The following ACYP2 variants were observed in gnomAD, a reference collection of about 807,000 sequenced individuals.
The protein encoded by ACYP2 is acylphosphatase 2, also known as acylphosphatase-2.
A neutral mutation model predicts 11.2 loss-of-function variants in ACYP2; 12 were observed. That is an observed-to-expected ratio of 1.08 (90% CI 0.69 to 1.74). ACYP2 has a LOEUF of 1.74. ACYP2 is among the 40% of genes most tolerant of loss of function. The probability of loss-of-function intolerance (pLI) is 0.00; values close to 1 mark genes in which losing one functional copy is unlikely to be tolerated. For missense variants in ACYP2, 134 were observed against 101.9 expected, an observed-to-expected ratio of 1.31 and a Z score of -1.35; for synonymous variants, 43 against 32.2, an observed-to-expected ratio of 1.33 and a Z score of -1.13.
At chr2:54,168,644 A>T (rs1458146021) in intron 6 of ACYP2, among the ~76,000 whole-genome samples, 2 of 152,138 alleles carry the variant, frequency 1.3e-5, no homozygotes, top group African/African-American at 4.8e-5. Context: ...GTTATATATC[A>T]GCTGAGTTAT....
intron 6 of ACYP2, among the ~76,000 whole-genome samples, chr2:54,221,520 C>CTTTT (rs548466074): frequency 0.37 from 47,309 of 126,524 alleles, 8,884 homozygotes; most frequent in East Asian, 0.44. Context: ...GAATAAAATT[C>CTTTT]TTTTTTTTTT....
At chr2:54,175,900 A>T (rs994146511) in intron 6 of ACYP2, among the ~76,000 whole-genome samples, 3 of 152,140 alleles carry the variant, frequency 2.0e-5, no homozygotes, top group Non-Finnish European at 4.4e-5. Context: ...GCCTTTTGGT[A>T]GATGATCAGA....
intron 4 of ACYP2, among the ~76,000 whole-genome samples, chr2:54,106,826 GC>G (rs984960581): frequency 6.6e-6 from 1 of 151,832 alleles, no homozygotes; most frequent in African/African-American, 2.4e-5. Flanking sequence ...CTCGTGATCC[GC>G]CCCCCCTCGG....
At chr2:54,079,107 TG>T (rs1022702582) in intron 4 of ACYP2, among the ~76,000 whole-genome samples, 13 of 152,152 alleles carry the variant, frequency 8.5e-5, no homozygotes, top group Non-Finnish European at 1.9e-4. Context: ...ACTGTCTCAG[TG>T]AGGAGGAGCT....
intron 4 of ACYP2, among the ~76,000 whole-genome samples, chr2:54,126,541 A>G (rs1312205399): frequency 4.6e-5 from 7 of 151,172 alleles, no homozygotes; most frequent in East Asian, 3.9e-4. Context: ...CATTTTTTAC[A>G]TACATACACA....
At chr2:54,247,602 TAAAC>T (rs1572988090) in intron 6 of ACYP2, among the ~76,000 whole-genome samples, 1 of 152,290 alleles carries the variant, frequency 6.6e-6, no homozygotes, top group Admixed American at 6.5e-5. Context: ...ATGGAAAACA[TAAAC>T]AATTACATAT....
At chr2:54,117,247 CATT>C (rs1202675169) in intron 4 of ACYP2, among the ~76,000 whole-genome samples, 1 of 151,880 alleles carries the variant, frequency 6.6e-6, no homozygotes, top group East Asian at 1.9e-4. Flanking sequence ...GTATGATAAA[CATT>C]ATTAAAATTT....
In ACYP2 at chr2:54,108,544, C is replaced by T. The variant is rs542560308; in HGVS notation, c.278-26909C>T. On this transcript the variant is annotated intron_variant, in intron 4 of 6. Transcript: ENST00000607452. ...TTCCATAGGAAAAGCAAACCTGATA[C>T]CAGCTGAAGTCCACGCCTGGGGGAT... 2.6e-5 allele frequency among the ~76,000 whole-genome samples: 4 copies of T among 152,170 alleles called. No homozygotes were observed. The South Asian group carries it at 6.2e-4, about 24-fold the overall frequency.
chr2:54,292,669 TACACACACACACACACACACAC>T (rs3071218), intron 6 of ACYP2, among the ~76,000 whole-genome samples: 4 of 148,976 alleles, frequency 2.7e-5, no homozygotes, highest in Admixed American at 2.0e-4. Flanking sequence ...TATATATGTA[TACACACACACACACACACACAC>T]ACACACACAC....
At chr2:53,984,617 A>G (rs1426241436) in intron 2 of ACYP2, among the ~76,000 whole-genome samples, 3 of 149,542 alleles carry the variant, frequency 2.0e-5, no homozygotes, top group African/African-American at 7.3e-5. Flanking sequence ...GTGTGTATGC[A>G]TATATTATAT....
At chr2:54,088,135 A>G (rs915073060) in intron 4 of ACYP2, among the ~76,000 whole-genome samples, 2 of 152,152 alleles carry the variant, frequency 1.3e-5, no homozygotes, top group African/African-American at 4.8e-5. Flanking sequence ...AAGAGGAGGG[A>G]TTAGCAACTC....
At chr2:54,202,500 C>A (rs570488571) in intron 6 of ACYP2, among the ~76,000 whole-genome samples, 1 of 150,320 alleles carries the variant, frequency 6.7e-6, no homozygotes, top group East Asian at 2.0e-4. Context: ...CTCTGCCTCC[C>A]GGGTTCAAGC....
chr2:53,976,029 A>G (rs561882950), intron 2 of ACYP2, among the ~76,000 whole-genome samples: 35 of 152,298 alleles, frequency 2.3e-4, no homozygotes, highest in Non-Finnish European at 4.1e-4. Context: ...ACAATTTTCA[A>G]TCAAATATTT....
chr2:53,973,391 T>C (rs1671270356), intron 1 of ACYP2, among the ~76,000 whole-genome samples: 1 of 152,176 alleles, frequency 6.6e-6, no homozygotes, highest in Non-Finnish European at 1.5e-5. Flanking sequence ...GACCTGCATG[T>C]ATACATCCAG....
intron 4 of ACYP2, among the ~76,000 whole-genome samples, chr2:54,107,769 C>T (rs1268146468): frequency 6.6e-6 from 1 of 152,192 alleles, no homozygotes; most frequent in Non-Finnish European, 1.5e-5. Flanking sequence ...TGGGCATAAA[C>T]TCCCCTGGAA....
chr2:54,100,373 G>T (rs897627486), intron 4 of ACYP2, among the ~76,000 whole-genome samples: 2 of 150,868 alleles, frequency 1.3e-5, no homozygotes, highest in African/African-American at 4.9e-5. Flanking sequence ...CATGATCACG[G>T]CTCACTGAAG....
chr2:54,068,455 A>G, intron 4 of ACYP2, among the ~76,000 whole-genome samples: 1 of 152,156 alleles, frequency 6.6e-6, no homozygotes, highest in East Asian at 1.9e-4. Context: ...TGGCTATGAT[A>G]TGTATGTAAA....
At chr2:54,213,860 C>T (rs1324911616) in intron 6 of ACYP2, among the ~76,000 whole-genome samples, 1 of 151,992 alleles carries the variant, frequency 6.6e-6, no homozygotes, top group South Asian at 2.1e-4. Context: ...CTCAACCTCC[C>T]GGGCCCAAGC....
At position 54,115,760 on chromosome 2, in the gene ACYP2, G is replaced by A. The variant is rs200917712; in HGVS notation, c.278-19693G>A. 308 of 1,602,032 alleles carry A rather than the reference G, an allele frequency of 1.9e-4. 1 individual carries two copies. The African/African-American group carries it at 3.8e-3, about 20-fold the overall frequency. ...GAGGTGTTCGGAAGAGTGCAGGGTAGGAGGCCCCTCTACGGTGGGAGATCA... is the reference window on the plus strand; with the variant it reads ...GAGGTGTTCGGAAGAGTGCAGGGTAAGAGGCCCCTCTACGGTGGGAGATCA... On this transcript the variant is annotated intron_variant, in intron 4 of 6. Coordinates refer to ENST00000607452, the MANE Select transcript of ACYP2 (RefSeq NM_001320586.2).
Sources: gnomAD v4.1 joint callset for allele counts (sites outside exome capture counted in the v4.1 genomes callset) on GRCh38, gnomAD v4.1.1 for gene constraint, MANE v1.5 for transcripts, NCBI Gene and HGNC (gene_info 2026-07-23, HGNC 2026-07-21) for gene names.